UBE2E1: variants seen among roughly 807,000 people sequenced by gnomAD.
UBE2E1 encodes the protein ubiquitin-conjugating enzyme E2 E1.
A neutral mutation model predicts 21.4 loss-of-function variants in UBE2E1; 6 were observed. That is an observed-to-expected ratio of 0.28 (90% CI 0.15 to 0.55). The LOEUF (loss-of-function observed/expected upper bound fraction) is 0.55, where lower values mean the gene tolerates loss of function less well. Ranked by LOEUF, UBE2E1 falls within the 20% of genes least tolerant of loss-of-function variation. The pLI, the probability that UBE2E1 is intolerant of heterozygous loss-of-function variation, is 0.93. For synonymous variants in UBE2E1, 87 were observed against 82.7 expected (o/e 1.05, Z -0.28); for missense variants, 142 against 236.5 (o/e 0.60, Z 2.62).
chr3:23,847,415 A>G (rs1036528740), intron 3 of UBE2E1, among the ~76,000 whole-genome samples: 1 of 152,082 alleles, frequency 6.6e-6, no homozygotes, highest in Non-Finnish European at 1.5e-5. Flanking sequence ...TACACCCTTA[A>G]GGGTAGAAAT....
chr3:23,876,948 A>G lies in UBE2E1; in HGVS notation c.204-10619A>G, dbSNP rs1700927775. Among the ~76,000 whole-genome samples the G allele has an allele frequency of 6.6e-6, 1 of 152,180 alleles. No homozygotes were observed. The highest frequency in any genetic ancestry group is 1.5e-5 in the Non-Finnish European group (1 of 68,028). ...AATCCTAGCAACTCAGGAGGCTGAG[A>G]TGGAAGGATCACTTGAGCCAGCTGT... On this transcript the variant is annotated intron_variant, in intron 3 of 5. Transcript: ENST00000306627. The surrounding 1 kb of genome is among the most constrained non-coding windows in gnomAD (Gnocchi z 4.3).
chr3:23,871,075 C>T (rs1700773934), intron 3 of UBE2E1, among the ~76,000 whole-genome samples: 1 of 151,888 alleles, frequency 6.6e-6, no homozygotes, highest in Admixed American at 6.5e-5. Flanking sequence ...CCATGTCTAC[C>T]TCTTTCTACA....
At chr3:23,879,072 C>A in intron 3 of UBE2E1, 2 of 499,368 alleles carry the variant, frequency 4.0e-6, no homozygotes, top group Admixed American at 2.2e-5. Context: ...TGTATCAGTT[C>A]CTGAGAGAAT....
At chr3:23,882,948 A>G (rs1701088200) in intron 3 of UBE2E1, among the ~76,000 whole-genome samples, 1 of 152,174 alleles carries the variant, frequency 6.6e-6, no homozygotes, top group African/African-American at 2.4e-5. Flanking sequence ...AGAGGGAGCC[A>G]GCTCCAGCCT....
At chr3:23,882,051 C>T (rs568290546) in intron 3 of UBE2E1, among the ~76,000 whole-genome samples, 2 of 152,280 alleles carry the variant, frequency 1.3e-5, no homozygotes, top group Admixed American at 1.3e-4. Flanking sequence ...AAAGGCAGTG[C>T]GGACCCAAAG....
chr3:23,881,378 TAAAC>T (rs1701035582), intron 3 of UBE2E1, among the ~76,000 whole-genome samples: 2 of 152,234 alleles, frequency 1.3e-5, no homozygotes, highest in African/African-American at 4.8e-5. Context: ...TAGTTACAAA[TAAAC>T]CTTAAACCTC....
chr3:23,821,907 A>AT, intron 3 of UBE2E1, among the ~76,000 whole-genome samples: 1 of 151,768 alleles, frequency 6.6e-6, no homozygotes, highest in Non-Finnish European at 1.5e-5. Flanking sequence ...GAGCTCTGAG[A>AT]TACATACACA....
chr3:23,830,897 G>T (rs1347748914), intron 3 of UBE2E1, among the ~76,000 whole-genome samples: 1 of 152,178 alleles, frequency 6.6e-6, no homozygotes, highest in Non-Finnish European at 1.5e-5. Flanking sequence ...TTGAACATTA[G>T]AAACTCATTT....
intron 3 of UBE2E1, among the ~76,000 whole-genome samples, chr3:23,834,698 C>T (rs1699941912): frequency 6.6e-6 from 1 of 152,008 alleles, no homozygotes; most frequent in African/African-American, 2.4e-5. Context: ...CACTGCACTC[C>T]TTCCTGGATG....
Position 23,806,250 on chromosome 3 carries a change from G to A in UBE2E1, c.-34+162G>A, listed in dbSNP as rs889481131. Among the ~76,000 whole-genome samples, 31 of 149,878 alleles carry A rather than the reference G, an allele frequency of 2.1e-4. No homozygotes were observed. Among genetic ancestry groups the A allele is most frequent in the African/African-American group, 6.3e-4 (26 of 41,198 alleles). ...GGAGAGGGGCTGGGGAGCCCCAGGG[G>A]TCCGGGGCCCGCCCGCGGGGGATGG... is the stretch of plus-strand genomic sequence containing the variant. On this transcript the variant is annotated intron_variant, in intron 1 of 5. Transcript: ENST00000306627. This position sits in a 1 kb window ranked among gnomAD's most constrained non-coding sequence, Gnocchi z 6.5.
intron 3 of UBE2E1, among the ~76,000 whole-genome samples, chr3:23,856,845 GA>G (rs1185255788): frequency 1.3e-5 from 2 of 151,878 alleles, no homozygotes; most frequent in Admixed American, 6.6e-5. Context: ...AAAGGCTGAT[GA>G]AAAAAATGGA....
chr3:23,838,349 G>A (rs1214109894), intron 3 of UBE2E1, among the ~76,000 whole-genome samples: 23 of 152,148 alleles, frequency 1.5e-4, no homozygotes, highest in Non-Finnish European at 2.2e-4. Context: ...TTACAGGCAT[G>A]AACCACCATG....
rs1699266619 is a variant in UBE2E1, at chr3:23,806,342, G to C, written c.-34+254G>C. 6.6e-6 allele frequency among the ~76,000 whole-genome samples: 1 copy of C among 151,024 alleles called. No homozygotes were observed. Among genetic ancestry groups the C allele is most frequent in the African/African-American group, 2.4e-5 (1 of 41,272 alleles). Reference sequence around the variant, plus strand: ...TTGAGGACGGGGGTCATTGTGGCTCGAACTGTCAGCGCTGCCCCAAGAGCC... The same window carrying C: ...TTGAGGACGGGGGTCATTGTGGCTCCAACTGTCAGCGCTGCCCCAAGAGCC... On this transcript the variant is annotated intron_variant, in intron 1 of 5. Coordinates refer to ENST00000306627, the MANE Select transcript of UBE2E1 (RefSeq NM_003341.5). This position sits in a 1 kb window ranked among gnomAD's most constrained non-coding sequence, Gnocchi z 6.5.
Position 23,891,609 on chromosome 3 carries a change from A to T in UBE2E1, c.*1003A>T, listed in dbSNP as rs1368290029. The T allele has an allele frequency of 6.6e-6, 1 of 152,224 alleles. No individual in the cohort carries two copies. Among genetic ancestry groups the T allele is most frequent in the Non-Finnish European group, 1.5e-5 (1 of 68,032 alleles). 9.4% of individuals were successfully genotyped at this position (152,224 alleles called of 1,614,324 possible). ...AAGTACATGAGAAATGGGTTCCGTCATGGATAAATTGGTACCCTGCCTTAG... is the reference window on the plus strand; with the variant it reads ...AAGTACATGAGAAATGGGTTCCGTCTTGGATAAATTGGTACCCTGCCTTAG... On this transcript the variant is annotated 3_prime_UTR_variant, in exon 6 of 6. Coordinates refer to ENST00000306627, the MANE Select transcript of UBE2E1 (RefSeq NM_003341.5).
rs35613446 is a variant in UBE2E1, at chr3:23,842,195, A to AGGGGG, written c.203+30689_203+30690insGGGGG. 5.1e-5 allele frequency among the ~76,000 whole-genome samples: 2 copies of AGGGGG among 39,376 alleles called. No homozygotes were observed. The highest frequency in any genetic ancestry group is 1.3e-4 in the Non-Finnish European group (2 of 15,032). The allele number at this position is 39,376 out of a possible 152,430, so 25.8% of individuals were successfully genotyped here. A position where few individuals can be genotyped will look rare whatever the true frequency, so the allele number is the denominator to read the frequency against. On this transcript the variant is annotated intron_variant, in intron 3 of 5. Coordinates refer to ENST00000306627, the MANE Select transcript of UBE2E1 (RefSeq NM_003341.5). This position sits in a 1 kb window ranked among gnomAD's most constrained non-coding sequence, Gnocchi z 4.6. ...AACTATGTCATGACCCAGTAAGTGA[A>AGGGGG]GGGGTGTGTGTGTGTGTGTGTGTGT...
At chr3:23,856,315 C>T (rs998491964) in intron 3 of UBE2E1, among the ~76,000 whole-genome samples, 1 of 152,122 alleles carries the variant, frequency 6.6e-6, no homozygotes, top group Admixed American at 6.5e-5. Flanking sequence ...GGCATGAGCC[C>T]AGCTGTGGTT....
In UBE2E1 at chr3:23,808,847, C is replaced by T. The variant is rs1699329280; in HGVS notation, c.152+1426C>T. The T allele has an allele frequency of 1.3e-5, 2 of 152,210 alleles. No individual in the cohort carries two copies. Among genetic ancestry groups the T allele is most frequent in the Non-Finnish European group, 1.5e-5 (1 of 68,046 alleles). The allele number at this position is 152,210 out of a possible 1,614,324, so 9.4% of individuals were successfully genotyped here. A position where few individuals can be genotyped will look rare whatever the true frequency, so the allele number is the denominator to read the frequency against. ...ACCTCAATCCTCTAGGCTCTCTGAT[C>T]CTCATTCACGTTTTGGCCTCACGTG... is the stretch of plus-strand genomic sequence containing the variant. On this transcript the variant is annotated intron_variant, in intron 2 of 5. Coordinates refer to ENST00000306627, the MANE Select transcript of UBE2E1 (RefSeq NM_003341.5). The surrounding 1 kb of genome is among the most constrained non-coding windows in gnomAD (Gnocchi z 4.9).
chr3:23,819,470 C>T (rs1285033340), intron 3 of UBE2E1, among the ~76,000 whole-genome samples: 1 of 152,010 alleles, frequency 6.6e-6, no homozygotes, highest in Admixed American at 6.6e-5. Flanking sequence ...GAGTAGCACT[C>T]TAGGTATTTG....
At position 23,883,944 on chromosome 3, in the gene UBE2E1, T is replaced by C. The variant is rs554451048; in HGVS notation, c.204-3623T>C. On this transcript the variant is annotated intron_variant, in intron 3 of 5. Coordinates refer to ENST00000306627, the MANE Select transcript of UBE2E1 (RefSeq NM_003341.5). ...AAAAAGTTTGATATTCAGGTAACAATGCTTGGTCTTTTCCAGTGGATTCTC... is the reference window on the plus strand; with the variant it reads ...AAAAAGTTTGATATTCAGGTAACAACGCTTGGTCTTTTCCAGTGGATTCTC... 2.7e-5 allele frequency among the ~76,000 whole-genome samples: 4 copies of C among 150,502 alleles called. No homozygotes were observed. The South Asian group carries it at 6.3e-4, about 24-fold the overall frequency.
Sources: gnomAD v4.1 joint callset for allele counts (sites outside exome capture counted in the v4.1 genomes callset) on GRCh38, gnomAD v4.1.1 for gene constraint, Gnocchi (gnomAD v3.1) non-coding constraint, MANE v1.5 for transcripts, NCBI Gene and HGNC (gene_info 2026-07-23, HGNC 2026-07-21) for gene names.